SRPK1: variants seen among roughly 807,000 people sequenced by gnomAD.
The protein encoded by SRPK1 is SFRS protein kinase 1.
In SRPK1, 52 loss-of-function variants were observed where a neutral mutation model predicts 89.5. That is an observed-to-expected ratio of 0.58 (90% CI 0.46 to 0.73). SRPK1 has a LOEUF of 0.73. SRPK1 is among the 30% of genes least tolerant of loss of function. The pLI is 0.00. For synonymous variants in SRPK1, 255 were observed against 270.2 expected, an observed-to-expected ratio of 0.94 and a Z score of 0.55; for missense variants, 603 against 780.6, an observed-to-expected ratio of 0.77 and a Z score of 2.71.
intron 13 of SRPK1, among the ~76,000 whole-genome samples, chr6:35,851,947 G>A (rs1769565081): frequency 1.3e-5 from 2 of 152,184 alleles, no homozygotes; most frequent in South Asian, 4.1e-4. Context: ...GGTAATCAAA[G>A]CATGCCTAAA....
intron 3 of SRPK1, 138 bp from the exon 4 acceptor site, chr6:35,889,061 C>G: frequency 1.8e-6 from 1 of 561,384 alleles, no homozygotes. Flanking sequence ...ATCAATTCAA[C>G]AGAAGAAAAT....
At chr6:35,859,194 C>T (rs1022587787) in intron 12 of SRPK1, among the ~76,000 whole-genome samples, 4 of 151,934 alleles carry the variant, frequency 2.6e-5, no homozygotes, top group African/African-American at 9.7e-5. Context: ...CTAGATAAGC[C>T]CCATTTTCCG....
intron 2 of SRPK1, among the ~76,000 whole-genome samples, chr6:35,903,401 A>G (rs557092596): frequency 2.0e-5 from 3 of 151,990 alleles, no homozygotes; most frequent in Non-Finnish European, 4.4e-5. Flanking sequence ...AATCCCAGCT[A>G]CTTGGGAGGC....
chr6:35,869,789 G>C lies in SRPK1; in HGVS notation c.1104C>G (p.Asn368Lys). Residue 368 changes from asparagine to lysine, a missense_variant, in exon 11 of 16, where the codon AAC becomes AAG. Coordinates refer to ENST00000373825, the MANE Select transcript of SRPK1 (RefSeq NM_003137.5). ...GVIEVINYTQ[N>K]SNNETLRHKE... is the part of the protein sequence containing the mutation. ...TATGTCTCAATGTTTCATTATTACT[G>C]TTCTGAGTATAATTAATGACTTCAA... 1.2e-6 allele frequency: 2 copies of C among 1,613,566 alleles called. No homozygotes were observed. Among genetic ancestry groups the C allele is most frequent in the Non-Finnish European group, 1.7e-6 (2 of 1,179,624 alleles).
rs1251216233 is a variant in SRPK1 at position 35,836,786 on chromosome 6, A to ATTT, written c.1784-1301_1784-1299dup. Among the ~76,000 whole-genome samples the ATTT allele has an allele frequency of 2.2e-4, 30 of 134,198 alleles. No individual in the cohort carries two copies. The East Asian group carries it at 5.7e-3, about 25-fold the overall frequency. 88.0% of individuals were successfully genotyped at this position (134,198 alleles called of 152,430 possible). On this transcript the variant is annotated intron_variant, in intron 15 of 15. Transcript: ENST00000373825. ...AATAATAATAATAATAATAATAATA[A>ATTT]TTTTTTTTAAACATAAAAATTTTAA...
At chr6:35,841,990 C>T (rs1160540012) in intron 14 of SRPK1, among the ~76,000 whole-genome samples, 2 of 152,082 alleles carry the variant, frequency 1.3e-5, no homozygotes, top group Non-Finnish European at 2.9e-5. Flanking sequence ...GCAGCCTAGG[C>T]TTTTCCCACT....
intron 2 of SRPK1, among the ~76,000 whole-genome samples, chr6:35,903,699 T>C (rs1770792553): frequency 6.6e-6 from 1 of 152,210 alleles, no homozygotes; most frequent in Non-Finnish European, 1.5e-5. Flanking sequence ...CAAGAATTGG[T>C]GACAATTGTT....
chr6:35,920,394 C>T (rs1398778078), intron 2 of SRPK1, 74 bp downstream of exon 2: 1 of 1,561,890 alleles, frequency 6.4e-7, no homozygotes, highest in Admixed American at 1.7e-5. Context: ...GGTGCACGTT[C>T]AAGACGTGAA....
At chr6:35,853,400 G>A (rs1156660430) in intron 13 of SRPK1, among the ~76,000 whole-genome samples, 4 of 152,124 alleles carry the variant, frequency 2.6e-5, no homozygotes, top group African/African-American at 7.2e-5. Flanking sequence ...GAGGCCATAT[G>A]GTTATATATG....
At chr6:35,857,141 A>G (rs1769681460) in intron 13 of SRPK1, 120 bp downstream of exon 13, 1 of 715,116 alleles carries the variant, frequency 1.4e-6, no homozygotes, top group East Asian at 2.7e-5. Flanking sequence ...TAGAATACCT[A>G]TGGTAAATCA....
At chr6:35,907,244 G>A (rs1770866771) in intron 2 of SRPK1, among the ~76,000 whole-genome samples, 1 of 152,054 alleles carries the variant, frequency 6.6e-6, no homozygotes, top group African/African-American at 2.4e-5. Context: ...AGACTTTGTG[G>A]ATCCTGATCC....
intron 2 of SRPK1, among the ~76,000 whole-genome samples, chr6:35,904,370 T>C (rs1025327363): frequency 2.0e-5 from 3 of 152,134 alleles, no homozygotes; most frequent in African/African-American, 7.2e-5. Flanking sequence ...TGCTTAATAC[T>C]ATCACTCAGA....
intron 12 of SRPK1, among the ~76,000 whole-genome samples, chr6:35,866,199 A>G (rs1309067576): frequency 6.6e-6 from 1 of 152,218 alleles, no homozygotes; most frequent in Non-Finnish European, 1.5e-5. Flanking sequence ...TACTAAAAAT[A>G]CAAAAAATAA....
intron 2 of SRPK1, among the ~76,000 whole-genome samples, chr6:35,892,684 A>AACG (rs1333288584): frequency 2.0e-5 from 3 of 146,976 alleles, no homozygotes; most frequent in Non-Finnish European, 1.5e-5. Context: ...CAACAACAAC[A>AACG]ACAACGACAA....
chr6:35,896,564 T>C (rs894031770), intron 2 of SRPK1, among the ~76,000 whole-genome samples: 4 of 152,238 alleles, frequency 2.6e-5, no homozygotes, highest in African/African-American at 7.2e-5. Flanking sequence ...AGAATTACCA[T>C]ATGACCTAGC....
At position 35,916,254 on chromosome 6, in the gene SRPK1, T is replaced by A. The variant is rs376325042; in HGVS notation, c.74+4214A>T. ...TAAATAAATAAATAAATTAATTAAT[T>A]AATTAATTAAATTATGGCATATCAA... is the stretch of plus-strand genomic sequence containing the variant. On this transcript the variant is annotated intron_variant, in intron 2 of 15. Coordinates refer to ENST00000373825, the MANE Select transcript of SRPK1 (RefSeq NM_003137.5). 8.1e-3 allele frequency among the ~76,000 whole-genome samples: 1,007 copies of A among 123,624 alleles called. 10 individuals are homozygous for A. The highest frequency in any genetic ancestry group is 0.029 in the African/African-American group (908 of 31,380). The allele number at this position is 123,624 out of a possible 152,430, so 81.1% of individuals were successfully genotyped here.
chr6:35,899,179 G>C (rs1270248756), intron 2 of SRPK1, among the ~76,000 whole-genome samples: 2 of 152,030 alleles, frequency 1.3e-5, no homozygotes, highest in Admixed American at 6.6e-5. Context: ...ACAAAACACT[G>C]GTGATCTTTA....
At chr6:35,848,641 G>A (rs903563483) in intron 13 of SRPK1, among the ~76,000 whole-genome samples, 1 of 152,006 alleles carries the variant, frequency 6.6e-6, no homozygotes, top group African/African-American at 2.4e-5. Flanking sequence ...GCATGGTCCT[G>A]GCAAAAAAAG....
intron 14 of SRPK1, among the ~76,000 whole-genome samples, chr6:35,839,684 C>CTTT (rs371918821): frequency 2.9e-5 from 4 of 136,602 alleles, no homozygotes; most frequent in Non-Finnish European, 6.3e-5. Flanking sequence ...GAATATAAAA[C>CTTT]TTTTTTTTTT....
Sources: gnomAD v4.1 joint callset for allele counts (sites outside exome capture counted in the v4.1 genomes callset) on GRCh38, gnomAD v4.1.1 for gene constraint, MANE v1.5 for transcripts, NCBI Gene and HGNC (gene_info 2026-07-23, HGNC 2026-07-21) for gene names.